Variants in EYA2 observed in about 807,000 individuals in gnomAD.
EYA2 encodes the protein EYA transcriptional coactivator and phosphatase 2.
A neutral mutation model predicts 69.2 loss-of-function variants in EYA2; 31 were observed. The ratio of observed to expected loss-of-function variants is 0.45; its 90% CI spans 0.34 to 0.60. The LOEUF (loss-of-function observed/expected upper bound fraction) is 0.60, where lower values mean the gene tolerates loss of function less well. Among genes scored for constraint, EYA2 ranks in the 20% least tolerant of loss-of-function variants. The pLI, the probability that EYA2 is intolerant of heterozygous loss-of-function variation, is 0.02. For missense variants in EYA2, 622 were observed against 701.2 expected (o/e 0.89, Z 1.28); for synonymous variants, 257 against 279.4 (o/e 0.92, Z 0.80).
At chr20:46,959,563 G>A (rs987656314) in intron 1 of EYA2, among the ~76,000 whole-genome samples, 5 of 152,098 alleles carry the variant, frequency 3.3e-5, no homozygotes, top group African/African-American at 9.7e-5. Flanking sequence ...CGCCTCCCAC[G>A]GCATCCTCCT....
chr20:47,164,565 C>T (rs1041768900), intron 10 of EYA2, among the ~76,000 whole-genome samples: 1 of 152,134 alleles, frequency 6.6e-6, no homozygotes, highest in Non-Finnish European at 1.5e-5. Context: ...GTAAAGTCAG[C>T]GGTTGCCGTT....
chr20:46,899,022 G>A (rs1020111805), intron 1 of EYA2, among the ~76,000 whole-genome samples: 4 of 152,208 alleles, frequency 2.6e-5, no homozygotes, highest in Non-Finnish European at 5.9e-5. Context: ...CAGGCCTGCA[G>A]TCAGCTCTTC....
chr20:46,931,996 G>T (rs1476000334), intron 1 of EYA2, among the ~76,000 whole-genome samples: 1 of 150,700 alleles, frequency 6.6e-6, no homozygotes, highest in African/African-American at 2.4e-5. Context: ...TTTACACAGG[G>T]TGCCAGCCCG....
intron 15 of EYA2, among the ~76,000 whole-genome samples, chr20:47,185,890 C>A: frequency 6.6e-6 from 1 of 152,174 alleles, no homozygotes; most frequent in East Asian, 1.9e-4. Flanking sequence ...ATTCCTTCTA[C>A]GAATATTTCT....
intron 9 of EYA2, among the ~76,000 whole-genome samples, chr20:47,118,843 C>G (rs760630642): frequency 1.3e-5 from 2 of 152,186 alleles, no homozygotes; most frequent in African/African-American, 4.8e-5. Context: ...ACTGCTTCCC[C>G]AGACTTCCTT....
rs76763757 is a variant in EYA2 at position 47,164,171 on chromosome 20, C to G, written c.979-4968C>G. Among the ~76,000 whole-genome samples the G allele has an allele frequency of 5.3e-5, 8 of 152,150 alleles. 1 individual carries two copies. In the East Asian group the frequency reaches 9.6e-4, roughly 18 times the overall value. ...GGATTCTCTTCCCTGGAGGCTCCCC[C>G]ATCCTCGTGGCCTCTGCGCGGTCCA... On this transcript the variant is annotated intron_variant, in intron 10 of 15. Coordinates refer to ENST00000327619, the MANE Select transcript of EYA2 (RefSeq NM_005244.5).
intron 5 of EYA2, among the ~76,000 whole-genome samples, chr20:47,069,994 C>G (rs1199854159): frequency 6.6e-6 from 1 of 152,080 alleles, no homozygotes; most frequent in South Asian, 2.1e-4. Flanking sequence ...AAGAGCAGTT[C>G]TTTGTGACCT....
chr20:47,150,589 T>C (rs934848799), intron 10 of EYA2, among the ~76,000 whole-genome samples: 2 of 151,926 alleles, frequency 1.3e-5, no homozygotes, highest in African/African-American at 2.4e-5. Context: ...CACCTCAGCC[T>C]CCTGAGTAGC....
At chr20:47,169,303 A>C (rs1298329548) in intron 11 of EYA2, 106 bp downstream of exon 11, 1 of 1,132,022 alleles carries the variant, frequency 8.8e-7, no homozygotes, top group South Asian at 1.2e-5. Context: ...TATAAGGACA[A>C]GGAGTGCCTG....
chr20:46,908,206 C>T lies in EYA2; in HGVS notation c.-11+13219C>T, dbSNP rs955248988. The stretch of plus-strand genomic sequence containing the variant: ...GAACAAAAATGACCAAAGTCTCCTT[C>T]CTTGTGGAGCCACAGTTAAGTAGGA... On this transcript the variant is annotated intron_variant, in intron 1 of 15. Transcript: ENST00000327619. 8.5e-5 allele frequency among the ~76,000 whole-genome samples: 13 copies of T among 152,332 alleles called. No homozygotes were observed. The East Asian group carries it at 2.1e-3, about 25-fold the overall frequency.
intron 12 of EYA2, among the ~76,000 whole-genome samples, chr20:47,174,338 G>A (rs577502460): frequency 4.6e-5 from 7 of 152,312 alleles, no homozygotes; most frequent in African/African-American, 9.6e-5. Context: ...TCATCTTAAT[G>A]AGCCTTAGTC....
chr20:46,937,268 C>T (rs539455063), intron 1 of EYA2, among the ~76,000 whole-genome samples: 3 of 152,252 alleles, frequency 2.0e-5, no homozygotes, highest in Non-Finnish European at 4.4e-5. Context: ...TTTTAATTTA[C>T]AAGGATTTGT....
At chr20:47,004,102 G>A (rs1217098512) in intron 3 of EYA2, among the ~76,000 whole-genome samples, 2 of 152,204 alleles carry the variant, frequency 1.3e-5, no homozygotes, top group East Asian at 3.8e-4. Flanking sequence ...GTTCTCCATG[G>A]AGTAGAGAAG....
intron 10 of EYA2, among the ~76,000 whole-genome samples, chr20:47,155,450 CTG>C (rs2033904300): frequency 6.6e-6 from 1 of 151,946 alleles, no homozygotes; most frequent in Non-Finnish European, 1.5e-5. Flanking sequence ...CTGCATGCGA[CTG>C]TGTGCCTGGC....
chr20:47,096,990 A>G (rs1418292552), intron 8 of EYA2, 95 bp from the exon 9 acceptor site: 1 of 889,570 alleles, frequency 1.1e-6, no homozygotes, highest in Non-Finnish European at 1.8e-6. Context: ...GTTTTTCGAG[A>G]CTTCTTTTCC....
intron 9 of EYA2, among the ~76,000 whole-genome samples, chr20:47,130,769 A>G (rs1365987834): frequency 1.3e-5 from 2 of 152,166 alleles, no homozygotes; most frequent in Non-Finnish European, 2.9e-5. Context: ...ACCATGGGAT[A>G]CAAACAAGTA....
intron 5 of EYA2, among the ~76,000 whole-genome samples, chr20:47,060,598 T>C (rs183242345): frequency 6.6e-6 from 1 of 152,334 alleles, no homozygotes; most frequent in East Asian, 1.9e-4. Flanking sequence ...GCATGCCTGT[T>C]GGGAGGCCAA....
rs142394650 is a variant in EYA2 at position 47,145,675 on chromosome 20, G to A, written c.978+2527G>A. Among the ~76,000 whole-genome samples, 615 of 152,196 alleles carry A rather than the reference G, an allele frequency of 4.0e-3. 20 individuals carry two copies. The East Asian group carries it at 0.074, about 18-fold the overall frequency. On this transcript the variant is annotated intron_variant, in intron 10 of 15. Coordinates refer to ENST00000327619, the MANE Select transcript of EYA2 (RefSeq NM_005244.5). ...GCACTTTGGGAGGCCAAGGCGGGTG[G>A]ATCACTTGAGATCAGGAGTTCAAGA...
chr20:47,113,746 C>T lies in EYA2; in HGVS notation c.888+16578C>T, dbSNP rs535637148. Among the ~76,000 whole-genome samples the T allele has an allele frequency of 5.9e-5, 9 of 152,312 alleles. No homozygotes were observed. In the South Asian group the frequency reaches 1.7e-3, roughly 28 times the overall value. ...CCCAGCATCTGCCACCAGCACACCCCTCCTTAAGGGAAACCCACTCTCCTG... is the reference window on the plus strand; with the variant it reads ...CCCAGCATCTGCCACCAGCACACCCTTCCTTAAGGGAAACCCACTCTCCTG... On this transcript the variant is annotated intron_variant, in intron 9 of 15. Coordinates refer to ENST00000327619, the MANE Select transcript of EYA2 (RefSeq NM_005244.5).
Sources: allele counts gnomAD v4.1 joint callset (sites outside exome capture counted in the v4.1 genomes callset), GRCh38; gene constraint gnomAD v4.1.1; transcripts MANE v1.5; gene names NCBI Gene and HGNC (gene_info 2026-07-23, HGNC 2026-07-21).